Variants in RELL1 observed in about 807,000 individuals in gnomAD.
The protein encoded by RELL1 is RELT-like protein 1.
Under a neutral mutation model 23.0 loss-of-function variants are expected in RELL1, and 10 were observed. That is an observed-to-expected ratio of 0.43 (90% CI 0.27 to 0.74). RELL1 has a LOEUF of 0.74. Ranked by LOEUF, RELL1 falls within the 30% of genes least tolerant of loss-of-function variation. The probability of loss-of-function intolerance (pLI) is 0.19; values close to 1 mark genes in which losing one functional copy is unlikely to be tolerated. For missense variants in RELL1, 315 were observed against 364.4 expected (o/e 0.86, Z 1.10); for synonymous variants, 146 against 146.8 (o/e 0.99, Z 0.04).
In RELL1 at chr4:37,656,471, G is replaced by C. The variant is rs563455353; in HGVS notation, c.89-6971C>G. Among the ~76,000 whole-genome samples, 4 of 152,286 alleles carry C rather than the reference G, an allele frequency of 2.6e-5. No individual in the cohort carries two copies. The East Asian group carries it at 7.7e-4, about 29-fold the overall frequency. On this transcript the variant is annotated intron_variant, in intron 1 of 6. Transcript: ENST00000454158. ...TATTGTGCACTTAAAAATTTGTTCA[G>C]AGAGTAGACCTCATGTTAAGTGTTT...
At chr4:37,678,365 A>T (rs1355233107) in intron 1 of RELL1, among the ~76,000 whole-genome samples, 2 of 152,252 alleles carry the variant, frequency 1.3e-5, no homozygotes, top group African/African-American at 4.8e-5. Context: ...GGACAAATAT[A>T]CAGACTATAT....
intron 4 of RELL1, among the ~76,000 whole-genome samples, chr4:37,635,588 C>T (rs190839569): frequency 3.0e-4 from 46 of 152,114 alleles, no homozygotes; most frequent in Admixed American, 6.5e-5. Context: ...ATTGTACCAC[C>T]GAACTCCAGC....
intron 1 of RELL1, among the ~76,000 whole-genome samples, chr4:37,672,427 C>A (rs1721864361): frequency 6.6e-6 from 1 of 152,176 alleles, no homozygotes; most frequent in Non-Finnish European, 1.5e-5. Context: ...TCAAATATAT[C>A]ATTTGTATTA....
intron 1 of RELL1, among the ~76,000 whole-genome samples, chr4:37,657,808 T>A (rs1338516630): frequency 6.6e-6 from 1 of 151,924 alleles, no homozygotes; most frequent in Non-Finnish European, 1.5e-5. Context: ...GCTACTTGGG[T>A]GGCTGAGATG....
chr4:37,590,176 T>C, downstream of RELL1: 1 of 1,614,144 alleles, frequency 6.2e-7, no homozygotes, highest in African/African-American at 1.3e-5. Context: ...CACTGATAAA[T>C]TAAAAGGCAA....
downstream of RELL1, among the ~76,000 whole-genome samples, chr4:37,605,793 G>GAAAGAGAA (rs1553871642): frequency 1.1e-5 from 1 of 90,400 alleles, no homozygotes; most frequent in East Asian, 2.7e-4. Flanking sequence ...GAGAAAGAAA[G>GAAAGAGAA]AGAAAGAAAG....
intron 6 of RELL1, among the ~76,000 whole-genome samples, chr4:37,596,723 TA>T (rs1718859933): frequency 1.4e-4 from 2 of 13,972 alleles, no homozygotes; most frequent in Non-Finnish European, 5.1e-4. Flanking sequence ...TATATATATA[TA>T]TATATATATA....
chr4:37,653,867 T>C (rs1721033904), intron 1 of RELL1, among the ~76,000 whole-genome samples: 1 of 152,218 alleles, frequency 6.6e-6, no homozygotes, highest in East Asian at 1.9e-4. Context: ...CATCAACTTA[T>C]CAGCCAGTAA....
At chr4:37,661,278 T>TTTG (rs1438443980) in intron 1 of RELL1, among the ~76,000 whole-genome samples, 2 of 151,818 alleles carry the variant, frequency 1.3e-5, no homozygotes, top group Non-Finnish European at 2.9e-5. Context: ...TGTTTGTTTG[T>TTTG]TTGTTTGTTT....
intron 6 of RELL1, among the ~76,000 whole-genome samples, chr4:37,604,874 CACACATACACACAGACACACACACAG>C (rs1719136308): frequency 1.0e-5 from 1 of 98,164 alleles, no homozygotes; most frequent in Non-Finnish European, 2.0e-5. Flanking sequence ...CAGACACACA[CACACATACACACAGACACACACACAG>C]ACACACACAC....
exon 7 of RELL1, chr4:37,591,031 G>A: frequency 1.3e-6 from 2 of 1,556,246 alleles, no homozygotes; most frequent in Non-Finnish European, 1.7e-6. Flanking sequence ...AGGTAAGCTG[G>A]TGTCATGCTG....
chr4:37,651,569 G>A (rs1190903462), intron 1 of RELL1, among the ~76,000 whole-genome samples: 1 of 152,196 alleles, frequency 6.6e-6, no homozygotes, highest in East Asian at 1.9e-4. Context: ...AGTGGCAGGA[G>A]GCAGTCAAAT....
At chr4:37,609,312 T>G (rs1453198008), downstream of RELL1, among the ~76,000 whole-genome samples, 1 of 152,154 alleles carries the variant, frequency 6.6e-6, no homozygotes, top group Non-Finnish European at 1.5e-5. Context: ...TACTGAACAT[T>G]TAAAGCCCAC....
In RELL1 at chr4:37,601,914, G is replaced by A. The variant is rs557972114; in HGVS notation, c.*4-10697C>T. 1.6e-4 allele frequency among the ~76,000 whole-genome samples: 25 copies of A among 152,244 alleles called. No homozygotes were observed. In the South Asian group the frequency reaches 3.7e-3, roughly 23 times the overall value. ...CTAGGCCTTGGGGACAACTGAATCT[G>A]GGGCTTGAAAGCAACCAGGCTGGGC... On this transcript the variant is annotated intron_variant, in intron 6 of 6. Transcript: ENST00000314117.
chr4:37,594,190 A>G (rs1159351091), intron 6 of RELL1, among the ~76,000 whole-genome samples: 1 of 152,240 alleles, frequency 6.6e-6, no homozygotes, highest in Non-Finnish European at 1.5e-5. Context: ...AGGAAATGAA[A>G]GTAAAAAATC....
At chr4:37,619,074 T>G (rs936326587) in intron 6 of RELL1, among the ~76,000 whole-genome samples, 3 of 152,006 alleles carry the variant, frequency 2.0e-5, no homozygotes, top group Admixed American at 6.6e-5. Context: ...AGATGGGGTT[T>G]CTCCATGTTA....
intron 1 of RELL1, among the ~76,000 whole-genome samples, chr4:37,662,419 T>C (rs1180025205): frequency 2.0e-5 from 3 of 152,072 alleles, no homozygotes; most frequent in African/African-American, 4.8e-5. Context: ...AAGGACTTTA[T>C]GCTGAGCCTC....
chr4:37,600,780 C>CGTGTGTGTGTGTGT (rs71189087), intron 6 of RELL1, among the ~76,000 whole-genome samples: 2,269 of 147,660 alleles, frequency 0.015, 35 homozygotes, highest in African/African-American at 0.032. Context: ...TGGATTTGTG[C>CGTGTGTGTGTGTGT]GTGTGTGTGT....
Position 37,598,547 on chromosome 4 carries a change from C to T in RELL1, c.*4-7330G>A, listed in dbSNP as rs138383037. Among the ~76,000 whole-genome samples, 55 of 152,170 alleles carry T rather than the reference C, an allele frequency of 3.6e-4. No individual in the cohort carries two copies. In the East Asian group the frequency reaches 8.7e-3, roughly 24 times the overall value. Reference sequence around the variant, plus strand: ...CGTGAATCATCTCACTGAAGTCTACCGTGACGCCATGAGCTATAGGTATGA... The same window carrying T: ...CGTGAATCATCTCACTGAAGTCTACTGTGACGCCATGAGCTATAGGTATGA... On this transcript the variant is annotated intron_variant, in intron 6 of 6. Transcript: ENST00000314117.
Sources: allele counts gnomAD v4.1 joint callset (sites outside exome capture counted in the v4.1 genomes callset), GRCh38; gene constraint gnomAD v4.1.1; transcripts MANE v1.5; gene names NCBI Gene and HGNC (gene_info 2026-07-23, HGNC 2026-07-21).